The following ADGB variants were observed in gnomAD, a reference collection of about 807,000 sequenced individuals.
The protein encoded by ADGB is androglobin, also known as calpain-7-like protein.
ADGB carries 172 observed loss-of-function variants against 210.5 expected under a neutral mutation model. The observed-to-expected ratio is 0.82, with a 90% CI of 0.72 to 0.93. The LOEUF is 0.93. Among genes scored for constraint, ADGB ranks in the 40% least tolerant of loss-of-function variants. The pLI, the probability that ADGB is intolerant of heterozygous loss-of-function variation, is 0.00. For synonymous variants in ADGB, 658 were observed against 662.7 expected, an observed-to-expected ratio of 0.99 and a Z score of 0.11; for missense variants, 2,025 against 1,964.8, an observed-to-expected ratio of 1.03 and a Z score of -0.58.
chr6:146,685,662 A>T, intron 9 of ADGB, 72 bp from the exon 10 acceptor site: 1 of 807,306 alleles, frequency 1.2e-6, no homozygotes, highest in Non-Finnish European at 1.8e-6. Context: ...GCAATTGAAC[A>T]ATCTGGAGTG....
At chr6:146,707,904 G>C (rs1478508473) in intron 13 of ADGB, among the ~76,000 whole-genome samples, 2 of 151,850 alleles carry the variant, frequency 1.3e-5, no homozygotes, top group African/African-American at 4.8e-5. Context: ...TGTTTTGTAG[G>C]TCCTTTGTTT....
chr6:146,714,975 A>AT (rs1776712469), intron 13 of ADGB, among the ~76,000 whole-genome samples: 1 of 152,190 alleles, frequency 6.6e-6, no homozygotes, highest in South Asian at 2.1e-4. Context: ...TTCAGGAGCC[A>AT]TTTTTATAAT....
intron 19 of ADGB, 88 bp from the exon 20 acceptor site, chr6:146,728,486 G>A: frequency 1.6e-6 from 2 of 1,271,834 alleles, no homozygotes; most frequent in Non-Finnish European, 2.1e-6. Flanking sequence ...ATATAGCAGA[G>A]ATTTCATATT....
At chr6:146,775,500 A>G (rs942354912) in intron 29 of ADGB, among the ~76,000 whole-genome samples, 4 of 152,186 alleles carry the variant, frequency 2.6e-5, no homozygotes, top group Admixed American at 6.5e-5. Context: ...TTGAGCAGAT[A>G]GTACTTAGTG....
chr6:146,611,827 T>C (rs541165999), intron 1 of ADGB, among the ~76,000 whole-genome samples: 1 of 152,344 alleles, frequency 6.6e-6, no homozygotes, highest in South Asian at 2.1e-4. Flanking sequence ...GTACATGTAC[T>C]AGCCTTTGGG....
chr6:146,739,526 AG>A (rs1361955894), intron 23 of ADGB, among the ~76,000 whole-genome samples: 2 of 152,148 alleles, frequency 1.3e-5, no homozygotes, highest in African/African-American at 4.8e-5. Context: ...TAATCCTGTT[AG>A]TTTCCTCCTA....
chr6:146,745,869 C>T (rs1010177908), intron 25 of ADGB, 53 bp from the exon 26 acceptor site: 80 of 1,385,500 alleles, frequency 5.8e-5, no homozygotes, highest in Middle Eastern at 1.8e-4. Context: ...ATTGTACATT[C>T]GATAGAATAA....
intron 27 of ADGB, among the ~76,000 whole-genome samples, chr6:146,762,434 T>A (rs1172653242): frequency 6.6e-6 from 1 of 152,166 alleles, no homozygotes; most frequent in Non-Finnish European, 1.5e-5. Flanking sequence ...TCTTTTTCCA[T>A]AAATCCTTAA....
chr6:146,645,401 T>G (rs75395473), intron 3 of ADGB, among the ~76,000 whole-genome samples: 2 of 152,040 alleles, frequency 1.3e-5, no homozygotes, highest in African/African-American at 4.8e-5. Context: ...ATAGCACTTA[T>G]AGAGATTAAG....
chr6:146,704,165 T>TTGATGA (rs1271866499), intron 13 of ADGB, among the ~76,000 whole-genome samples: 3 of 152,016 alleles, frequency 2.0e-5, no homozygotes, highest in Non-Finnish European at 4.4e-5. Context: ...GGTTGTTTCC[T>TTGATGA]TGATGATGAG....
At chr6:146,627,255 G>A (rs1400766034) in intron 1 of ADGB, among the ~76,000 whole-genome samples, 2 of 152,044 alleles carry the variant, frequency 1.3e-5, no homozygotes, top group Non-Finnish European at 2.9e-5. Context: ...ATGTGTTTAA[G>A]TCAATCAATT....
chr6:146,757,068 C>A (rs1024885715), intron 27 of ADGB, among the ~76,000 whole-genome samples: 1 of 152,010 alleles, frequency 6.6e-6, no homozygotes, highest in South Asian at 2.1e-4. Flanking sequence ...AATTCATCAA[C>A]AAATATGATT....
chr6:146,664,175 T>C, intron 5 of ADGB, 26 bp from the exon 6 acceptor site: 1 of 1,535,100 alleles, frequency 6.5e-7, no homozygotes. Context: ...ATTGATGGTA[T>C]TACATTTCTT....
chr6:146,813,164 C>T (rs1281147124), intron 35 of ADGB, among the ~76,000 whole-genome samples: 7 of 152,170 alleles, frequency 4.6e-5, no homozygotes, highest in Non-Finnish European at 1.0e-4. Flanking sequence ...CAAGACAGTT[C>T]TATCTTTAGA....
intron 1 of ADGB, among the ~76,000 whole-genome samples, chr6:146,633,515 C>T (rs1781095129): frequency 6.6e-6 from 1 of 152,022 alleles, no homozygotes; most frequent in African/African-American, 2.4e-5. Flanking sequence ...TTTCCTCCCA[C>T]TCACACAGCT....
chr6:146,696,707 T>C (rs975361541), intron 12 of ADGB, among the ~76,000 whole-genome samples: 1 of 152,202 alleles, frequency 6.6e-6, no homozygotes, highest in South Asian at 2.1e-4. Context: ...TCAAAGCTGC[T>C]CAAATTATGT....
intron 11 of ADGB, among the ~76,000 whole-genome samples, 185 bp downstream of exon 11, chr6:146,691,475 T>TATATATATAA (rs1279407599): frequency 4.3e-5 from 2 of 46,814 alleles, no homozygotes; most frequent in African/African-American, 5.0e-4. Flanking sequence ...TATATATATA[T>TATATATATAA]AAATATATAT....
chr6:146,672,082 C>A, intron 7 of ADGB, 138 bp from the exon 8 acceptor site: 3 of 1,174,504 alleles, frequency 2.6e-6, no homozygotes, highest in Non-Finnish European at 3.5e-6. Flanking sequence ...TAATGCTGTT[C>A]TTTTAACTAA....
chr6:146,732,578 T>TAA (rs10668448), intron 20 of ADGB, among the ~76,000 whole-genome samples: 72,998 of 148,452 alleles, frequency 0.49, 18,360 homozygotes, highest in East Asian at 0.62. Context: ...GCTATTTTGG[T>TAA]AAAAAAAAAA....
Sources: allele counts gnomAD v4.1 joint callset (sites outside exome capture counted in the v4.1 genomes callset), GRCh38; gene constraint gnomAD v4.1.1; transcripts MANE v1.5; gene names NCBI Gene and HGNC (gene_info 2026-07-23, HGNC 2026-07-21).